The following WDR59 variants were observed in gnomAD, a reference collection of about 807,000 sequenced individuals.
The protein encoded by WDR59 is GATOR2 complex protein WDR59.
WDR59 carries 100 observed loss-of-function variants against 131.2 expected under a neutral mutation model. The observed-to-expected ratio is 0.76, with a 90% CI of 0.65 to 0.90. The LOEUF (loss-of-function observed/expected upper bound fraction) is 0.90, where lower values mean the gene tolerates loss of function less well. WDR59 is among the 40% of genes least tolerant of loss of function. WDR59 has a pLI of 0.00. For missense variants in WDR59, 1,203 were observed against 1,262.2 expected (o/e 0.95, Z 0.71); for synonymous variants, 601 against 466.2 (o/e 1.29, Z -3.72).
intron 1 of WDR59, among the ~76,000 whole-genome samples, chr16:74,976,368 A>G (rs1365249579): frequency 3.3e-5 from 5 of 152,012 alleles, no homozygotes; most frequent in Non-Finnish European, 7.4e-5. Flanking sequence ...TTCATTTTCA[A>G]TTTCAAGATA....
chr16:74,916,616 TG>T (rs1433910001), intron 11 of WDR59, among the ~76,000 whole-genome samples: 2 of 152,154 alleles, frequency 1.3e-5, no homozygotes, highest in Non-Finnish European at 2.9e-5. Context: ...CCCAGCACTT[TG>T]GGAGGCCGAG....
At chr16:74,930,935 A>G (rs1267588134) in intron 8 of WDR59, 1 of 151,458 alleles carries the variant, frequency 6.6e-6, no homozygotes, top group Non-Finnish European at 1.5e-5. Flanking sequence ...AAGAAAAGAA[A>G]AAAGTTCAGG....
At chr16:74,977,249 A>C (rs955825392) in intron 1 of WDR59, among the ~76,000 whole-genome samples, 5 of 152,002 alleles carry the variant, frequency 3.3e-5, no homozygotes, top group Admixed American at 6.6e-5. Flanking sequence ...CAAAAAAAAA[A>C]TTTTAATTTA....
intron 1 of WDR59, among the ~76,000 whole-genome samples, chr16:74,968,657 G>A (rs902078890): frequency 3.3e-5 from 5 of 152,084 alleles, no homozygotes; most frequent in Non-Finnish European, 5.9e-5. Context: ...GGAAGTGGAG[G>A]CTGCATGCAG....
intron 1 of WDR59, among the ~76,000 whole-genome samples, chr16:74,969,709 C>T (rs1241978366): frequency 6.6e-6 from 1 of 151,902 alleles, no homozygotes; most frequent in African/African-American, 2.4e-5. Context: ...ACTGAGATTA[C>T]AGGCATGTGC....
chr16:74,893,531 G>A (rs1441980556), intron 19 of WDR59, 148 bp downstream of exon 19: 1 of 832,210 alleles, frequency 1.2e-6, no homozygotes, highest in Non-Finnish European at 1.8e-6. Context: ...TAAGTTTGTG[G>A]GAATTTGTCC....
intron 3 of WDR59, among the ~76,000 whole-genome samples, chr16:74,954,133 G>A (rs924014491): frequency 3.3e-5 from 5 of 152,192 alleles, no homozygotes; most frequent in African/African-American, 1.2e-4. Context: ...ATAAGGCTGG[G>A]TGCGGTGGCT....
intron 6 of WDR59, among the ~76,000 whole-genome samples, chr16:74,947,338 T>C (rs972559733): frequency 1.3e-5 from 2 of 152,004 alleles, no homozygotes; most frequent in Non-Finnish European, 2.9e-5. Context: ...GTCCCGCCAT[T>C]GCACTCCAGC....
intron 2 of WDR59, among the ~76,000 whole-genome samples, chr16:74,957,606 G>T (rs987273320): frequency 4.6e-5 from 7 of 152,132 alleles, no homozygotes; most frequent in African/African-American, 1.4e-4. Flanking sequence ...CATATGAAGT[G>T]CCAGTAATGT....
At chr16:74,874,667 C>G (rs1027464265) in intron 25 of WDR59, among the ~76,000 whole-genome samples, 6 of 152,176 alleles carry the variant, frequency 3.9e-5, no homozygotes, top group African/African-American at 1.4e-4. Context: ...GCAATCTTGG[C>G]TCACTGCAAC....
At chr16:74,902,680 CCA>C (rs1467064245) in intron 18 of WDR59, among the ~76,000 whole-genome samples, 2 of 152,156 alleles carry the variant, frequency 1.3e-5, no homozygotes, top group African/African-American at 4.8e-5. Context: ...AAAGAAAACC[CCA>C]CATGTACCCA....
chr16:74,973,287 G>GTT (rs35868462), intron 1 of WDR59, among the ~76,000 whole-genome samples: 85,509 of 147,740 alleles, frequency 0.58, 25,327 homozygotes, highest in East Asian at 0.77. Context: ...AAGCTGGTTT[G>GTT]TTGTTTTGCT....
chr16:74,899,764 A>G, intron 18 of WDR59: 1 of 1,289,128 alleles, frequency 7.8e-7, no homozygotes, highest in Non-Finnish European at 1.0e-6. Context: ...TCTGTGCATG[A>G]AAACGTTACA....
intron 1 of WDR59, 28 bp from the exon 2 acceptor site, chr16:74,965,850 T>C (rs1350665113): frequency 6.2e-7 from 1 of 1,614,006 alleles, no homozygotes; most frequent in Non-Finnish European, 8.5e-7. Flanking sequence ...GAGTCAGTGC[T>C]GCCAGCAAAC....
intron 18 of WDR59, among the ~76,000 whole-genome samples, chr16:74,895,482 T>C (rs1464766594): frequency 3.9e-5 from 6 of 152,160 alleles, no homozygotes; most frequent in Non-Finnish European, 7.3e-5. Context: ...AGGCTGGTCT[T>C]GAACTCCTGA....
At position 74,934,423 on chromosome 16, in the gene WDR59, C is replaced by T. The variant is rs137973848; in HGVS notation, c.651+3727G>A. 6.6e-3 allele frequency among the ~76,000 whole-genome samples: 1,002 copies of T among 152,156 alleles called. 12 individuals carry two copies. Among genetic ancestry groups the T allele is most frequent in the African/African-American group, 0.022 (933 of 41,524 alleles). ...GAGGACCCTGGAGATTTGATAATATCCTCACTGTTCATAACATGCTCTTGC... is the reference window on the plus strand; with the variant it reads ...GAGGACCCTGGAGATTTGATAATATTCTCACTGTTCATAACATGCTCTTGC... On this transcript the variant is annotated intron_variant, in intron 8 of 25. Coordinates refer to ENST00000262144, the MANE Select transcript of WDR59 (RefSeq NM_030581.4).
In WDR59 at chr16:74,956,628, C is replaced by A; in HGVS notation, c.105-18G>T. 6.2e-7 allele frequency: 1 copy of A among 1,611,722 alleles called. No homozygotes were observed. Among genetic ancestry groups the A allele is most frequent in the South Asian group, 1.1e-5 (1 of 90,592 alleles). On this transcript the variant is annotated intron_variant, in intron 2 of 25. Coordinates refer to ENST00000262144, the MANE Select transcript of WDR59 (RefSeq NM_030581.4). ...ATCTGCGGCTAGAGACCAACATCAA[C>A]ATTATAATAGTATAAAAACACAACA...
intron 14 of WDR59, 52 bp from the exon 15 acceptor site, chr16:74,909,969 G>GTT (rs35006526): frequency 0.19 from 177,796 of 926,234 alleles, 2,876 homozygotes; most frequent in African/African-American, 0.35. Context: ...TCTCTGATAG[G>GTT]TTTTTTTTTT....
At chr16:74,922,486 A>C (rs2030342562) in intron 9 of WDR59, among the ~76,000 whole-genome samples, 1 of 152,200 alleles carries the variant, frequency 6.6e-6, no homozygotes, top group Non-Finnish European at 1.5e-5. Flanking sequence ...GACAGGGAAA[A>C]TCCCTGGAGC....
Sources: gnomAD v4.1 joint callset for allele counts (sites outside exome capture counted in the v4.1 genomes callset) on GRCh38, gnomAD v4.1.1 for gene constraint, MANE v1.5 for transcripts, NCBI Gene and HGNC (gene_info 2026-07-23, HGNC 2026-07-21) for gene names.